ARSB: variants seen among roughly 807,000 people sequenced by gnomAD.
ARSB encodes N-acetylgalactosamine-4-sulfatase.
Under a neutral mutation model 50.9 loss-of-function variants are expected in ARSB, and 41 were observed. The ratio of observed to expected loss-of-function variants is 0.81; its 90% CI spans 0.63 to 1.04. The LOEUF is 1.04. ARSB is among the 50% of genes least tolerant of loss of function. The pLI is 0.00. For synonymous variants in ARSB, 269 were observed against 284.8 expected (o/e 0.94, Z 0.56); for missense variants, 672 against 693.3 (o/e 0.97, Z 0.35).
Position 78,807,603 on chromosome 5 carries a change from T to A in ARSB, c.1214-25629A>T, listed in dbSNP as rs191587360. ...AATGCACCTAATTTCCAAAGACTTT[T>A]AAACATATTTGGGGAACCTTAAGGG... On this transcript the variant is annotated intron_variant, in intron 6 of 7. Coordinates refer to ENST00000264914, the MANE Select transcript of ARSB (RefSeq NM_000046.5). Among the ~76,000 whole-genome samples, 311 of 152,258 alleles carry A rather than the reference T, an allele frequency of 2.0e-3. 1 individual carries two copies. The highest frequency in any genetic ancestry group is 6.8e-3 in the Middle Eastern group (2 of 294).
At chr5:78,852,384 C>T (rs1377969019) in intron 5 of ARSB, among the ~76,000 whole-genome samples, 1 of 152,120 alleles carries the variant, frequency 6.6e-6, no homozygotes. Context: ...GAATATTGGC[C>T]CCCACTCTCC....
chr5:78,875,178 C>G (rs962798052), intron 5 of ARSB, among the ~76,000 whole-genome samples: 3 of 151,948 alleles, frequency 2.0e-5, no homozygotes, highest in African/African-American at 7.3e-5. Flanking sequence ...GTCCTCAAAA[C>G]CACAACTGAA....
intron 4 of ARSB, among the ~76,000 whole-genome samples, chr5:78,937,448 T>G (rs1750682203): frequency 6.9e-6 from 1 of 145,056 alleles, no homozygotes; most frequent in Non-Finnish European, 1.5e-5. Flanking sequence ...TATATATATC[T>G]TATATATATA....
At chr5:78,922,137 G>T (rs1425400748) in intron 4 of ARSB, among the ~76,000 whole-genome samples, 17 of 143,790 alleles carry the variant, frequency 1.2e-4, no homozygotes, top group African/African-American at 4.4e-4. Context: ...GTAGTCCAGG[G>T]TACAAGGACT....
intron 4 of ARSB, among the ~76,000 whole-genome samples, chr5:78,888,008 C>A (rs554607120): frequency 6.6e-6 from 1 of 152,202 alleles, no homozygotes; most frequent in Admixed American, 6.5e-5. Flanking sequence ...CTTTTGGTGG[C>A]GCCCTTAACA....
Position 78,885,905 on chromosome 5 carries a change from T to A in ARSB, c.899-78A>T, listed in dbSNP as rs1748012858. On this transcript the variant is annotated intron_variant, in intron 4 of 7. Coordinates refer to ENST00000264914, the MANE Select transcript of ARSB (RefSeq NM_000046.5). ...TTAAGAACAGAGACTGTATGTACAT[T>A]GTTACTAAATGGTGCTTAAATAATA... is the stretch of plus-strand genomic sequence containing the variant. The A allele has an allele frequency of 3.7e-6, 6 of 1,602,274 alleles. No individual in the cohort carries two copies. In the Admixed American group the frequency reaches 1.0e-4, roughly 27 times the overall value.
At chr5:78,790,102 G>A (rs1197172731) in intron 6 of ARSB, among the ~76,000 whole-genome samples, 3 of 152,176 alleles carry the variant, frequency 2.0e-5, no homozygotes, top group South Asian at 2.1e-4. Flanking sequence ...TGGGGCTTAG[G>A]AAGACCTACT....
chr5:78,789,687 G>T (rs778729669), intron 6 of ARSB, among the ~76,000 whole-genome samples: 6 of 152,174 alleles, frequency 3.9e-5, no homozygotes, highest in Non-Finnish European at 5.9e-5. Context: ...AAAGCATTTG[G>T]GGTGGAAGCC....
intron 5 of ARSB, among the ~76,000 whole-genome samples, chr5:78,852,936 G>T (rs1199203921): frequency 6.6e-6 from 1 of 151,884 alleles, no homozygotes; most frequent in Non-Finnish European, 1.5e-5. Flanking sequence ...CTCTGTATTG[G>T]TTATTCTAGT....
intron 4 of ARSB, among the ~76,000 whole-genome samples, chr5:78,908,671 A>C (rs1314470194): frequency 1.3e-5 from 2 of 151,802 alleles, no homozygotes; most frequent in African/African-American, 2.4e-5. Flanking sequence ...CCAACCAGCA[A>C]GGACTGGAGA....
chr5:78,911,601 A>G (rs1299830414), intron 4 of ARSB, among the ~76,000 whole-genome samples: 1 of 118,394 alleles, frequency 8.4e-6, no homozygotes, highest in East Asian at 2.4e-4. Flanking sequence ...AAAAAAAAAA[A>G]AAAAAAAAAA....
chr5:78,939,796 C>A (rs1750815338), intron 4 of ARSB, among the ~76,000 whole-genome samples: 1 of 152,126 alleles, frequency 6.6e-6, no homozygotes, highest in South Asian at 2.1e-4. Flanking sequence ...GGTATATACC[C>A]AGTAATGGGA....
chr5:78,812,847 C>T (rs946321421), intron 6 of ARSB, among the ~76,000 whole-genome samples: 6 of 151,954 alleles, frequency 3.9e-5, no homozygotes, highest in African/African-American at 9.7e-5. Flanking sequence ...AAAAATTAAC[C>T]GGGCATGGTG....
chr5:78,976,125 G>A (rs976937912), intron 1 of ARSB, among the ~76,000 whole-genome samples: 1 of 151,924 alleles, frequency 6.6e-6, no homozygotes, highest in Admixed American at 6.6e-5. Flanking sequence ...GCCTCCAAGC[G>A]ATATCAAGAA....
At chr5:78,821,711 T>C (rs1338908888) in intron 6 of ARSB, among the ~76,000 whole-genome samples, 1 of 152,244 alleles carries the variant, frequency 6.6e-6, no homozygotes, top group African/African-American at 2.4e-5. Flanking sequence ...CTTCTACTTA[T>C]TAGCTCAAGA....
At chr5:78,959,967 G>GCTC (rs1751910352) in intron 3 of ARSB, among the ~76,000 whole-genome samples, 1 of 152,108 alleles carries the variant, frequency 6.6e-6, no homozygotes, top group Admixed American at 6.5e-5. Context: ...CCAGAGCTCG[G>GCTC]CTCACTGTCA....
chr5:78,931,353 G>A (rs1044955673), intron 4 of ARSB, among the ~76,000 whole-genome samples: 3 of 151,924 alleles, frequency 2.0e-5, no homozygotes, highest in Non-Finnish European at 4.4e-5. Flanking sequence ...TGATAATACT[G>A]GTGCCCCCTT....
chr5:78,963,019 T>G (rs1752058353), intron 3 of ARSB, among the ~76,000 whole-genome samples: 2 of 152,156 alleles, frequency 1.3e-5, no homozygotes, highest in South Asian at 4.1e-4. Context: ...CCTCCAAACC[T>G]CATGTTTAAA....
At chr5:78,908,970 T>G (rs905284675) in intron 4 of ARSB, among the ~76,000 whole-genome samples, 2 of 152,168 alleles carry the variant, frequency 1.3e-5, no homozygotes. Flanking sequence ...TGAAAGGACT[T>G]GCAAATGCTT....
Sources: gnomAD v4.1 joint callset for allele counts (sites outside exome capture counted in the v4.1 genomes callset) on GRCh38, gnomAD v4.1.1 for gene constraint, MANE v1.5 for transcripts, NCBI Gene and HGNC (gene_info 2026-07-23, HGNC 2026-07-21) for gene names.